ARMH3: variants seen among roughly 807,000 people sequenced by gnomAD.
The protein encoded by ARMH3 is armadillo-like helical domain-containing protein 3.
Under a neutral mutation model 99.1 loss-of-function variants are expected in ARMH3, and 60 were observed. The observed-to-expected ratio is 0.61, with a 90% CI of 0.49 to 0.75. The LOEUF is 0.75. ARMH3 is among the 30% of genes least tolerant of loss of function. The pLI is 0.00. For missense variants in ARMH3, 679 were observed against 843.1 expected (o/e 0.81, Z 2.41); for synonymous variants, 285 against 292.8 (o/e 0.97, Z 0.27).
chr10:101,944,273 T>TATATAGAGAGAG (rs1844401380), intron 22 of ARMH3, among the ~76,000 whole-genome samples: 1 of 25,406 alleles, frequency 3.9e-5, no homozygotes, highest in Non-Finnish European at 6.6e-5. Flanking sequence ...TATATATATA[T>TATATAGAGAGAG]AGAGAGAGAG....
In ARMH3 at chr10:102,041,111, A is replaced by ATG. The variant is rs1234979075; in HGVS notation, c.-11-988_-11-987dup. ...ATATAATATATATATATATATATATATGTAGGTAAAACACTATTGCAGATC... is the reference window on the plus strand; with the variant it reads ...ATATAATATATATATATATATATATATGTGTAGGTAAAACACTATTGCAGATC... On this transcript the variant is annotated intron_variant, in intron 1 of 25. Transcript: ENST00000370033. Among the ~76,000 whole-genome samples the ATG allele has an allele frequency of 5.0e-5, 7 of 140,526 alleles. No individual in the cohort carries two copies. In the East Asian group the frequency reaches 1.4e-3, roughly 27 times the overall value. 92.2% of individuals were successfully genotyped at this position (140,526 alleles called of 152,430 possible).
chr10:102,048,466 G>A (rs994998926), intron 1 of ARMH3, among the ~76,000 whole-genome samples: 2 of 152,120 alleles, frequency 1.3e-5, no homozygotes, highest in African/African-American at 4.8e-5. Flanking sequence ...TCACTGTGTC[G>A]CCCAGGCTGG....
intron 10 of ARMH3, among the ~76,000 whole-genome samples, chr10:102,012,257 T>C (rs916323088): frequency 6.6e-6 from 1 of 152,234 alleles, no homozygotes; most frequent in Non-Finnish European, 1.5e-5. Context: ...AGATCCTGCC[T>C]GGCCCTTGCC....
chr10:101,986,232 A>G (rs912460521), intron 19 of ARMH3, among the ~76,000 whole-genome samples: 1 of 152,004 alleles, frequency 6.6e-6, no homozygotes, highest in Non-Finnish European at 1.5e-5. Flanking sequence ...TCTGATGCCT[A>G]CCTACAGGTT....
chr10:101,862,318 T>G (rs1486485737), intron 24 of ARMH3, among the ~76,000 whole-genome samples: 2 of 152,208 alleles, frequency 1.3e-5, no homozygotes, highest in African/African-American at 2.4e-5. Context: ...GGCTCACACC[T>G]GCAATCCCAG....
intron 20 of ARMH3, among the ~76,000 whole-genome samples, chr10:101,962,529 G>C (rs1429500647): frequency 6.6e-6 from 1 of 152,076 alleles, no homozygotes; most frequent in Non-Finnish European, 1.5e-5. Flanking sequence ...TGGCAGGAAA[G>C]GTAACACTTA....
At chr10:102,053,829 T>C (rs553449926) in intron 1 of ARMH3, among the ~76,000 whole-genome samples, 1 of 152,118 alleles carries the variant, frequency 6.6e-6, no homozygotes, top group South Asian at 2.1e-4. Flanking sequence ...CGGCTAATTT[T>C]TTGTATTTTT....
In ARMH3 at chr10:101,991,909, T is replaced by A; in HGVS notation, c.1345+60A>T. Reference sequence around the variant, plus strand: ...CATCAAACAGGTTCTACTCTTCATCTTCATCATGAAAGCCTATCGCTGTCA... The same window carrying A: ...CATCAAACAGGTTCTACTCTTCATCATCATCATGAAAGCCTATCGCTGTCA... On this transcript the variant is annotated intron_variant, in intron 18 of 25. Transcript: ENST00000370033. 3 of 1,459,358 alleles carry A rather than the reference T, an allele frequency of 2.1e-6. No individual in the cohort carries two copies. The East Asian group carries it at 6.8e-5, about 33-fold the overall frequency. 90.4% of individuals were successfully genotyped at this position (1,459,358 alleles called of 1,614,324 possible). A position where few individuals can be genotyped will look rare whatever the true frequency, so the allele number is the denominator to read the frequency against.
intron 19 of ARMH3, among the ~76,000 whole-genome samples, chr10:101,984,374 T>C (rs1176578055): frequency 6.6e-6 from 1 of 152,346 alleles, no homozygotes; most frequent in East Asian, 1.9e-4. Flanking sequence ...TCTGTCAATT[T>C]TCCCATGAAC....
chr10:101,983,339 T>C (rs1380734617), intron 19 of ARMH3, among the ~76,000 whole-genome samples: 1 of 152,182 alleles, frequency 6.6e-6, no homozygotes, highest in Non-Finnish European at 1.5e-5. Context: ...TGGAATGCAG[T>C]GGTGCAATCA....
chr10:101,951,141 T>C (rs1844764199), intron 22 of ARMH3, among the ~76,000 whole-genome samples: 1 of 152,152 alleles, frequency 6.6e-6, no homozygotes, highest in African/African-American at 2.4e-5. Flanking sequence ...AAAACATTCG[T>C]GAGAAAAATC....
intron 6 of ARMH3, 106 bp downstream of exon 6, chr10:102,025,050 C>A: frequency 1.1e-6 from 1 of 933,110 alleles, no homozygotes. Flanking sequence ...GTAATACCCT[C>A]ATTGAGAATA....
At chr10:101,945,845 G>A (rs1844494306) in intron 22 of ARMH3, among the ~76,000 whole-genome samples, 1 of 151,600 alleles carries the variant, frequency 6.6e-6, no homozygotes, top group Non-Finnish European at 1.5e-5. Context: ...CATTTTGAGA[G>A]GCCAAGGTGG....
chr10:101,860,220 A>G (rs992219637), intron 24 of ARMH3, among the ~76,000 whole-genome samples: 2 of 152,210 alleles, frequency 1.3e-5, no homozygotes, highest in Non-Finnish European at 2.9e-5. Flanking sequence ...AAGAAAGAGA[A>G]TGAAGTAGGT....
chr10:101,851,018 G>GT (rs1308506401), intron 24 of ARMH3, among the ~76,000 whole-genome samples: 1 of 152,212 alleles, frequency 6.6e-6, no homozygotes, highest in African/African-American at 2.4e-5. Flanking sequence ...TCTGCTACTT[G>GT]TTTTCATTGC....
intron 24 of ARMH3, among the ~76,000 whole-genome samples, chr10:101,873,326 C>A (rs1459141420): frequency 6.6e-6 from 1 of 150,568 alleles, no homozygotes; most frequent in Non-Finnish European, 1.5e-5. Flanking sequence ...GCAGGAGAAT[C>A]ATTTGAACCC....
chr10:101,946,963 G>A (rs1369508489), intron 22 of ARMH3, among the ~76,000 whole-genome samples: 1 of 151,624 alleles, frequency 6.6e-6, no homozygotes, highest in Admixed American at 6.6e-5. Context: ...GCTGAGGCAG[G>A]TGGATCACGA....
In ARMH3 at chr10:101,922,184, T is replaced by C. The variant is rs150806934; in HGVS notation, c.1781+17679A>G. Among the ~76,000 whole-genome samples the C allele has an allele frequency of 7.0e-4, 106 of 152,294 alleles. No homozygotes were observed. The East Asian group carries it at 0.018, about 25-fold the overall frequency. On this transcript the variant is annotated intron_variant, in intron 23 of 25. Transcript: ENST00000370033. ...TAAGATTTTTAAATTTTACCATATA[T>C]CAATATCTCAATTAAAAAGGAAATA... is the stretch of plus-strand genomic sequence containing the variant.
chr10:102,012,852 C>T lies in ARMH3; in HGVS notation c.751G>A (p.Ala251Thr). The change falls in exon 10 of 26, where the codon GCT becomes ACT. Residue 251 changes from alanine (A) to threonine (T), a missense_variant. By Grantham distance (58) the Ala-to-Thr change is moderately conservative. Coordinates refer to ENST00000370033, the MANE Select transcript of ARMH3 (RefSeq NM_024541.3). ...ACTTACCTGTTGTACTCAGATAAAGCCTGAGCAATTACAAGTCCCATTCCC... is the reference window on the plus strand; with the variant it reads ...ACTTACCTGTTGTACTCAGATAAAGTCTGAGCAATTACAAGTCCCATTCCC... ...LNGMGLVIAQALSEYNRQYKD... is the reference protein window; with the variant it reads ...LNGMGLVIAQTLSEYNRQYKD... 1 of 1,610,790 alleles carries T rather than the reference C, an allele frequency of 6.2e-7. No homozygotes were observed.
Sources: gnomAD v4.1 joint callset for allele counts (sites outside exome capture counted in the v4.1 genomes callset) on GRCh38, gnomAD v4.1.1 for gene constraint, MANE v1.5 for transcripts, NCBI Gene and HGNC (gene_info 2026-07-23, HGNC 2026-07-21) for gene names.